Variants in CFAP97 observed in about 807,000 individuals in gnomAD.
The protein encoded by CFAP97 is cilia- and flagella-associated protein 97.
A neutral mutation model predicts 43.1 loss-of-function variants in CFAP97; 36 were observed. The observed-to-expected ratio is 0.84, with a 90% CI of 0.64 to 1.10. The LOEUF (loss-of-function observed/expected upper bound fraction) is 1.10, where lower values mean the gene tolerates loss of function less well. Ranked by LOEUF, CFAP97 falls within the 50% of genes least tolerant of loss-of-function variation. The pLI is 0.00. For synonymous variants in CFAP97, 228 were observed against 225.7 expected (o/e 1.01, Z -0.09); for missense variants, 657 against 620.3 (o/e 1.06, Z -0.63).
chr4:185,202,608 G>A (rs1736921327), intron 1 of CFAP97, among the ~76,000 whole-genome samples: 1 of 151,622 alleles, frequency 6.6e-6, no homozygotes, highest in Admixed American at 6.6e-5. Flanking sequence ...ATAGTTTCCT[G>A]CCATCTTCCC....
chr4:185,189,795 T>G (rs954815852), intron 2 of CFAP97, among the ~76,000 whole-genome samples: 16 of 152,206 alleles, frequency 1.1e-4, no homozygotes, highest in African/African-American at 3.6e-4. Flanking sequence ...CTGCTGCCTT[T>G]CTTAAAGAAG....
intron 2 of CFAP97, among the ~76,000 whole-genome samples, chr4:185,176,287 A>G (rs560915183): frequency 1.3e-5 from 2 of 151,918 alleles, no homozygotes; most frequent in East Asian, 3.9e-4. Flanking sequence ...TAATTTTTGT[A>G]TTTTTAGTAG....
At chr4:185,170,741 T>C (rs1375497844) in intron 3 of CFAP97, among the ~76,000 whole-genome samples, 1 of 151,428 alleles carries the variant, frequency 6.6e-6, no homozygotes, top group Non-Finnish European at 1.5e-5. Flanking sequence ...TCCTAGTACT[T>C]TGAGACGCCG....
At chr4:185,166,598 T>A (rs1180494469) in intron 3 of CFAP97, among the ~76,000 whole-genome samples, 3 of 152,182 alleles carry the variant, frequency 2.0e-5, no homozygotes, top group Non-Finnish European at 4.4e-5. Flanking sequence ...ATATAAAACA[T>A]ACAGATGTGA....
At position 185,190,259 on chromosome 4, in the gene CFAP97, T is replaced by C. The variant is rs1452250986; in HGVS notation, c.938A>G (p.Glu313Gly). 4 of 1,613,314 alleles carry C rather than the reference T, an allele frequency of 2.5e-6. No individual in the cohort carries two copies. Among genetic ancestry groups the C allele is most frequent in the Admixed American group, 1.7e-5 (1 of 59,914 alleles). The change falls in exon 2 of 5, where the codon GAA becomes GGA. Residue 313 changes from glutamate to glycine, a missense_variant. Physicochemically the swap from Glu to Gly is moderately conservative, Grantham distance 98 (BLOSUM62 -2). Transcript: ENST00000458385. ...TGAGGAGACATCAGGCTCATGTTTT[T>C]CTTTCCCTTTTTTGGCTGCTTTCAA... ...KYLKAAKKGKEKHEPDVSSKS... is the reference protein window; with the variant it reads ...KYLKAAKKGKGKHEPDVSSKS...
upstream of CFAP97, among the ~76,000 whole-genome samples, chr4:185,208,269 G>A (rs574485549): frequency 5.3e-5 from 8 of 152,070 alleles, no homozygotes; most frequent in African/African-American, 1.9e-4. Context: ...GCCCGCCTCA[G>A]CCTCCGAAAG....
At chr4:185,165,723 T>C (rs147080540) in intron 3 of CFAP97, among the ~76,000 whole-genome samples, 48 of 152,342 alleles carry the variant, frequency 3.2e-4, no homozygotes, top group African/African-American at 1.1e-3. Flanking sequence ...TGAAACCACA[T>C]TTTAACCACT....
At chr4:185,188,347 A>T (rs1352499936) in intron 2 of CFAP97, among the ~76,000 whole-genome samples, 1 of 142,866 alleles carries the variant, frequency 7.0e-6, no homozygotes, top group South Asian at 2.3e-4. Context: ...ACATATATAC[A>T]TTTTTTTTTT....
intron 3 of CFAP97, among the ~76,000 whole-genome samples, chr4:185,173,723 T>C (rs1455390153): frequency 6.6e-6 from 1 of 152,066 alleles, no homozygotes; most frequent in East Asian, 1.9e-4. Context: ...TAGATGCCCT[T>C]AGAGGATAGG....
At chr4:185,194,758 GAATT>G (rs1283806784) in intron 1 of CFAP97, among the ~76,000 whole-genome samples, 1 of 152,160 alleles carries the variant, frequency 6.6e-6, no homozygotes, top group African/African-American at 2.4e-5. Flanking sequence ...TTTCTATACT[GAATT>G]AATAATACAA....
chr4:185,176,130 T>TTTTTTTTTTTTG, intron 2 of CFAP97, 79 bp from the exon 3 acceptor site: 1 of 1,146,398 alleles, frequency 8.7e-7, no homozygotes, highest in Non-Finnish European at 1.2e-6. Context: ...TTTCTCTTTT[T>TTTTTTTTTTTTG]AGACGGAGTT....
In CFAP97 at chr4:185,190,240, G is replaced by C; in HGVS notation, c.957C>G (p.Val319=). 6.2e-7 allele frequency: 1 copy of C among 1,613,664 alleles called. No homozygotes were observed. The highest frequency in any genetic ancestry group is 1.3e-5 in the African/African-American group (1 of 75,050). ...KKGKEKHEPD[V]SSKSSSVLDS... ...CTAACACTGAAGACGACTTTGAGGA[G>C]ACATCAGGCTCATGTTTTTCTTTCC... The change falls in exon 2 of 5, where the codon GTC becomes GTG. Residue 319 remains valine, a synonymous_variant. Coordinates refer to ENST00000458385, the MANE Select transcript of CFAP97 (RefSeq NM_020827.3).
rs1412929860 is a variant in CFAP97, at chr4:185,162,738, G to A, written c.*60C>T. On this transcript the variant is annotated 3_prime_UTR_variant, in exon 5 of 5. Transcript: ENST00000458385. Reference sequence around the variant, plus strand: ...TAGATGTTTACACAGAGAATTATAGGAATATGCACGAGCACTTCAAGAAAA... The same window carrying A: ...TAGATGTTTACACAGAGAATTATAGAAATATGCACGAGCACTTCAAGAAAA... 2.0e-6 allele frequency: 3 copies of A among 1,531,058 alleles called. No individual in the cohort carries two copies. Among genetic ancestry groups the A allele is most frequent in the Non-Finnish European group, 2.7e-6 (3 of 1,116,476 alleles). The allele number at this position is 1,531,058 out of a possible 1,614,324, so 94.8% of individuals were successfully genotyped here.
In CFAP97 at chr4:185,160,204, A is replaced by C. The variant is rs1490424890; in HGVS notation, c.*2594T>G. ...AAGTATAAGAGCTACCCCTTAAGAAATAACTTTAATAGTTAAAAAACTTTC... is the reference window on the plus strand; with the variant it reads ...AAGTATAAGAGCTACCCCTTAAGAACTAACTTTAATAGTTAAAAAACTTTC... On this transcript the variant is annotated 3_prime_UTR_variant, in exon 5 of 5. Transcript: ENST00000458385. 2 of 152,236 alleles carry C rather than the reference A, an allele frequency of 1.3e-5. No homozygotes were observed. The highest frequency in any genetic ancestry group is 4.8e-5 in the African/African-American group (2 of 41,470). 9.4% of individuals were successfully genotyped at this position (152,236 alleles called of 1,614,324 possible).
chr4:185,191,275 A>G, intron 1 of CFAP97, 63 bp from the exon 2 acceptor site: 1 of 1,105,572 alleles, frequency 9.0e-7, no homozygotes, highest in Non-Finnish European at 1.2e-6. Flanking sequence ...ATTTGTATAC[A>G]ATAATTAAAT....
At chr4:185,183,246 G>A (rs1435683479) in intron 2 of CFAP97, among the ~76,000 whole-genome samples, 5 of 152,148 alleles carry the variant, frequency 3.3e-5, no homozygotes, top group East Asian at 1.9e-4. Flanking sequence ...CAGTAAACTG[G>A]TTTACCGAAC....
chr4:185,209,106 G>GA lies in CFAP97; in HGVS notation c.-74+218dup, dbSNP rs1737346133. On this transcript the variant is annotated intron_variant, in intron 1 of 2. Coordinates refer to the CFAP97 transcript ENST00000503223. This position sits in a 1 kb window ranked among gnomAD's most constrained non-coding sequence, Gnocchi z 5.2. ...CTTCTTTGGACCTTTCCATAGCTAGGAATTGCAGGCTTCACTTACTCCACC... is the reference window on the plus strand; with the variant it reads ...CTTCTTTGGACCTTTCCATAGCTAGGAAATTGCAGGCTTCACTTACTCCACC... Among the ~76,000 whole-genome samples the GA allele has an allele frequency of 6.6e-6, 1 of 152,212 alleles. No individual in the cohort carries two copies. The highest frequency in any genetic ancestry group is 2.4e-5 in the African/African-American group (1 of 41,444).
chr4:185,199,548 T>C (rs1579270473), intron 1 of CFAP97, among the ~76,000 whole-genome samples: 2 of 151,794 alleles, frequency 1.3e-5, no homozygotes, highest in South Asian at 2.1e-4. Flanking sequence ...TTTATATTAA[T>C]AGTCTCAGCT....
intron 1 of CFAP97, among the ~76,000 whole-genome samples, chr4:185,191,724 G>A (rs757825811): frequency 3.9e-5 from 6 of 152,130 alleles, no homozygotes; most frequent in Non-Finnish European, 8.8e-5. Context: ...CAGCTACTTG[G>A]GAAGCTGAAG....
Sources: gnomAD v4.1 joint callset for allele counts (sites outside exome capture counted in the v4.1 genomes callset) on GRCh38, gnomAD v4.1.1 for gene constraint, Gnocchi (gnomAD v3.1) non-coding constraint, MANE v1.5 for transcripts, NCBI Gene and HGNC (gene_info 2026-07-23, HGNC 2026-07-21) for gene names.